CSMD3: variants seen among roughly 807,000 people sequenced by gnomAD.
The protein encoded by CSMD3 is CUB and Sushi multiple domains 3.
Under a neutral mutation model 435.2 loss-of-function variants are expected in CSMD3, and 177 were observed. The observed-to-expected ratio is 0.41, with a 90% CI of 0.36 to 0.46. CSMD3 has a LOEUF of 0.46. Among genes scored for constraint, CSMD3 ranks in the 20% least tolerant of loss-of-function variants. The pLI, the probability that CSMD3 is intolerant of heterozygous loss-of-function variation, is 0.34. For missense variants in CSMD3, 4,265 were observed against 4,504.6 expected (o/e 0.95, Z 1.52); for synonymous variants, 1,656 against 1,520.5 (o/e 1.09, Z -2.07).
intron 5 of CSMD3, among the ~76,000 whole-genome samples, chr8:113,053,107 C>A (rs1358885333): frequency 1.3e-5 from 2 of 152,050 alleles, no homozygotes; most frequent in African/African-American, 4.8e-5. Context: ...CACTACCAAC[C>A]CAACACACCA....
intron 12 of CSMD3, among the ~76,000 whole-genome samples, chr8:112,815,477 T>C (rs2079347665): frequency 1.3e-5 from 2 of 152,280 alleles, no homozygotes; most frequent in Middle Eastern, 3.4e-3. Context: ...GATACTTCAT[T>C]GTATATATTT....
At chr8:112,322,078 CAGAGAATAGAGATCA>C (rs1473888621) in intron 45 of CSMD3, among the ~76,000 whole-genome samples, 1 of 152,028 alleles carries the variant, frequency 6.6e-6, no homozygotes, top group African/African-American at 2.4e-5. Context: ...CTGATCTTAC[CAGAGAATAGAGATCA>C]ACTCAGAAAT....
At chr8:113,240,043 C>G (rs1363614349) in intron 3 of CSMD3, among the ~76,000 whole-genome samples, 2 of 152,020 alleles carry the variant, frequency 1.3e-5, no homozygotes, top group Non-Finnish European at 2.9e-5. Context: ...TGTGTTGTTC[C>G]CCTCTATGTG....
chr8:112,568,313 G>A (rs1488802123), intron 24 of CSMD3, among the ~76,000 whole-genome samples: 1 of 151,880 alleles, frequency 6.6e-6, no homozygotes, highest in Admixed American at 6.6e-5. Flanking sequence ...AAGGAATGGG[G>A]CTGGCATGGT....
chr8:112,816,870 G>A (rs2079389774), intron 12 of CSMD3, among the ~76,000 whole-genome samples: 1 of 151,700 alleles, frequency 6.6e-6, no homozygotes, highest in Non-Finnish European at 1.5e-5. Context: ...AAGTGTGTGT[G>A]TGTTTAAAAT....
intron 9 of CSMD3, among the ~76,000 whole-genome samples, chr8:112,922,257 A>G (rs1414586055): frequency 6.6e-6 from 1 of 151,938 alleles, no homozygotes; most frequent in African/African-American, 2.4e-5. Flanking sequence ...TAGTGGGTGT[A>G]TATATTTATG....
intron 13 of CSMD3, among the ~76,000 whole-genome samples, chr8:112,737,922 T>TA (rs1349116519): frequency 6.6e-6 from 1 of 151,898 alleles, no homozygotes; most frequent in Non-Finnish European, 1.5e-5. Context: ...TGAAAACACT[T>TA]AGTGTCCCAA....
intron 13 of CSMD3, among the ~76,000 whole-genome samples, chr8:112,703,034 C>T (rs763894904): frequency 6.6e-6 from 1 of 152,126 alleles, no homozygotes; most frequent in Non-Finnish European, 1.5e-5. Flanking sequence ...ATCAATTAAA[C>T]ACACAAAAAA....
intron 4 of CSMD3, among the ~76,000 whole-genome samples, chr8:113,146,129 T>A (rs755175020): frequency 6.6e-6 from 1 of 151,442 alleles, no homozygotes; most frequent in African/African-American, 2.4e-5. Context: ...ATTAAATATA[T>A]ATTAACATAA....
intron 1 of CSMD3, among the ~76,000 whole-genome samples, chr8:113,407,890 GACAA>G (rs1238677110): frequency 2.0e-5 from 3 of 151,978 alleles, no homozygotes; most frequent in Non-Finnish European, 4.4e-5. Context: ...TTTTCTCATG[GACAA>G]ACAGTTACAT....
intron 13 of CSMD3, among the ~76,000 whole-genome samples, chr8:112,743,620 T>C (rs897998469): frequency 6.6e-6 from 1 of 151,982 alleles, no homozygotes; most frequent in Non-Finnish European, 1.5e-5. Flanking sequence ...TTTTAATATA[T>C]AGCAAAGCTT....
At chr8:112,226,032 T>C (rs150468088) in intron 70 of CSMD3, among the ~76,000 whole-genome samples, 205 of 152,330 alleles carry the variant, frequency 1.3e-3, no homozygotes, top group Middle Eastern at 0.01. Flanking sequence ...CTCAACTCTA[T>C]TGTTTATACT....
intron 6 of CSMD3, among the ~76,000 whole-genome samples, chr8:113,002,391 T>C (rs1270750592): frequency 2.6e-5 from 4 of 152,086 alleles, no homozygotes; most frequent in Non-Finnish European, 5.9e-5. Context: ...TGCTAAACTA[T>C]GGTTTTCAAA....
At chr8:112,768,143 A>G (rs976528979) in intron 13 of CSMD3, among the ~76,000 whole-genome samples, 20 of 151,602 alleles carry the variant, frequency 1.3e-4, no homozygotes, top group African/African-American at 3.9e-4. Context: ...ACAAAGCCAC[A>G]TAAATATGCA....
rs1490250087 is a variant in CSMD3 at position 113,021,244 on chromosome 8, T to C, written c.918-2065A>G. Among the ~76,000 whole-genome samples the C allele has an allele frequency of 2.0e-5, 3 of 152,180 alleles. No individual in the cohort carries two copies. In the East Asian group the frequency reaches 5.8e-4, roughly 29 times the overall value. On this transcript the variant is annotated intron_variant, in intron 5 of 70. Coordinates refer to ENST00000297405, the MANE Select transcript of CSMD3 (RefSeq NM_198123.2). Reference sequence around the variant, plus strand: ...AATATATAATATAATTGTATAATTTTAGACTCAAGTTTTAAAATTTGCTTT... The same window carrying C: ...AATATATAATATAATTGTATAATTTCAGACTCAAGTTTTAAAATTTGCTTT...
intron 5 of CSMD3, among the ~76,000 whole-genome samples, chr8:113,062,695 G>A (rs1304243309): frequency 5.9e-5 from 9 of 151,618 alleles, no homozygotes. Flanking sequence ...ATATTCAAAT[G>A]CTCCCTTTTG....
intron 5 of CSMD3, among the ~76,000 whole-genome samples, chr8:113,082,633 A>G (rs2089609672): frequency 3.3e-5 from 5 of 152,168 alleles, no homozygotes; most frequent in Admixed American, 3.3e-4. Context: ...TATAAAATTC[A>G]TGAAAAGGAA....
chr8:112,364,405 C>A (rs1827559443), intron 38 of CSMD3, among the ~76,000 whole-genome samples: 1 of 151,880 alleles, frequency 6.6e-6, no homozygotes, highest in Admixed American at 6.6e-5. Flanking sequence ...TTTTGAAGAC[C>A]TCTAAAGATC....
chr8:112,942,034 C>G (rs2083466321), intron 9 of CSMD3, among the ~76,000 whole-genome samples: 1 of 151,502 alleles, frequency 6.6e-6, no homozygotes, highest in Non-Finnish European at 1.5e-5. Flanking sequence ...TGTCATTATT[C>G]ACTATTACAA....
Sources: allele counts gnomAD v4.1 joint callset (sites outside exome capture counted in the v4.1 genomes callset), GRCh38; gene constraint gnomAD v4.1.1; transcripts MANE v1.5; gene names NCBI Gene and HGNC (gene_info 2026-07-23, HGNC 2026-07-21).